Variants in MUC15 observed in about 807,000 individuals in gnomAD.
The protein encoded by MUC15 is mucin-15.
Under a neutral mutation model 24.0 loss-of-function variants are expected in MUC15, and 23 were observed. The observed-to-expected ratio is 0.96, with a 90% CI of 0.69 to 1.36. The LOEUF (loss-of-function observed/expected upper bound fraction) is 1.36, where lower values mean the gene tolerates loss of function less well. MUC15 is among the 40% of genes most tolerant of loss of function. The probability of loss-of-function intolerance (pLI) is 0.00; values close to 1 mark genes in which losing one functional copy is unlikely to be tolerated. For synonymous variants in MUC15, 151 were observed against 156.3 expected, an observed-to-expected ratio of 0.97 and a Z score of 0.25; for missense variants, 442 against 428.2, an observed-to-expected ratio of 1.03 and a Z score of -0.29.
chr11:26,571,023 C>T (rs558224615), intron 1 of MUC15, among the ~76,000 whole-genome samples: 16 of 151,958 alleles, frequency 1.1e-4, no homozygotes, highest in Non-Finnish European at 2.2e-4. Context: ...AAGAAAAAAA[C>T]AAATTTCAGA....
In MUC15 at chr11:26,561,138, A is replaced by ATGGC; in HGVS notation, c.1009_1012dup (p.Met338SerfsTer6). 1 of 1,612,946 alleles carries ATGGC rather than the reference A, an allele frequency of 6.2e-7. No homozygotes were observed. Among genetic ancestry groups the ATGGC allele is most frequent in the Admixed American group, 1.7e-5 (1 of 59,904 alleles). On this transcript the variant is annotated frameshift_variant, in exon 5 of 5. Transcript: ENST00000529533. LOFTEE classifies it high-confidence loss of function. ...ACGTGCATTTTCTTCACTTTCTGGCATGGCTGAATCATTCAAAGTTGGATT... is the reference window on the plus strand; with the variant it reads ...ACGTGCATTTTCTTCACTTTCTGGCATGGCTGGCTGAATCATTCAAAGTTGGATT...
rs973462485 is a variant in MUC15 at position 26,561,012 on chromosome 11, A to G, written c.*53T>C. ...AACCTTTTGAAAGATGAATTTGTCA[A>G]AAGGCTAGGATGTAGATGACACTTG... On this transcript the variant is annotated 3_prime_UTR_variant, in exon 5 of 5. Transcript: ENST00000529533. 6.6e-7 allele frequency: 1 copy of G among 1,520,980 alleles called. No homozygotes were observed. The highest frequency in any genetic ancestry group is 1.3e-5 in the South Asian group (1 of 79,446). The allele number at this position is 1,520,980 out of a possible 1,614,324, so 94.2% of individuals were successfully genotyped here.
intron 3 of MUC15, among the ~76,000 whole-genome samples, chr11:26,564,119 T>G (rs150290403): frequency 1.3e-5 from 2 of 151,892 alleles, no homozygotes; most frequent in Admixed American, 1.3e-4. Context: ...TAACTAAATT[T>G]TTTTTTACAT....
In MUC15 at chr11:26,560,969, G is replaced by A. The variant is rs532609867; in HGVS notation, c.*96C>T. 1.5e-4 allele frequency: 186 copies of A among 1,225,182 alleles called. No individual in the cohort carries two copies. Among genetic ancestry groups the A allele is most frequent in the Admixed American group, 2.8e-4 (12 of 42,208 alleles). 75.9% of individuals were successfully genotyped at this position (1,225,182 alleles called of 1,614,324 possible). ...TATGATTCTCCTTGACAAAATCCACGTGACAGTAATTTTGTGTAACCTTTT... is the reference window on the plus strand; with the variant it reads ...TATGATTCTCCTTGACAAAATCCACATGACAGTAATTTTGTGTAACCTTTT... On this transcript the variant is annotated 3_prime_UTR_variant, in exon 5 of 5. Coordinates refer to ENST00000529533, the MANE Select transcript of MUC15 (RefSeq NM_001135091.2).
In MUC15 at chr11:26,559,872, A is replaced by ACACC. The variant is rs1554969861; in HGVS notation, c.*1189_*1192dup. The ACACC allele has an allele frequency of 1.9e-5, 15 of 803,456 alleles. No individual in the cohort carries two copies. The highest frequency in any genetic ancestry group is 8.0e-5 in the Admixed American group (4 of 49,848). The allele number at this position is 803,456 out of a possible 1,614,324, so 49.8% of individuals were successfully genotyped here. Reference sequence around the variant, plus strand: ...CACACACACACACACACACACACACACACCATGAATCAATTCAAAAATAAA... The same window carrying ACACC: ...CACACACACACACACACACACACACACACCCACCATGAATCAATTCAAAAATAAA... On this transcript the variant is annotated 3_prime_UTR_variant, in exon 5 of 5. Coordinates refer to ENST00000529533, the MANE Select transcript of MUC15 (RefSeq NM_001135091.2).
chr11:26,564,749 A>G (rs1565109090), intron 3 of MUC15, among the ~76,000 whole-genome samples: 2 of 69,382 alleles, frequency 2.9e-5, no homozygotes, highest in Non-Finnish European at 2.7e-5. Flanking sequence ...ATATATATAT[A>G]TATATATATA....
Position 26,565,734 on chromosome 11 carries a change from A to G in MUC15, c.206T>C (p.Met69Thr), listed in dbSNP as rs1187183977. ...TTCCAAAGAAATAGGTTTATTTTCC[A>G]TTGTTTTAAAAACTTCTGCAATGTT... Reference protein sequence around the residue: ...TQNIAEVFKTMENKPISLESE... With the variant: ...TQNIAEVFKTTENKPISLESE... The change falls in exon 3 of 5, where the codon ATG (methionine) becomes ACG (threonine). Residue 69 changes from methionine to threonine, a missense_variant. By Grantham distance (81) the Met-to-Thr change is moderately conservative (BLOSUM62 -1). Coordinates refer to ENST00000529533, the MANE Select transcript of MUC15 (RefSeq NM_001135091.2). 4 of 1,605,966 alleles carry G rather than the reference A, an allele frequency of 2.5e-6. No homozygotes were observed. The highest frequency in any genetic ancestry group is 2.6e-6 in the Non-Finnish European group (3 of 1,174,158).
rs1454012401 is a variant in MUC15, at chr11:26,572,035, A to G, written c.-46+6T>C. ...GAGAGACCTAAGTGACCCAACGCAC[A>G]CTTACCTTCAGGCTTAGGAGGTATT... On this transcript the variant is annotated splice_donor_region_variant and intron_variant, in intron 1 of 4. Transcript: ENST00000529533. 5.1e-6 allele frequency: 5 copies of G among 977,502 alleles called. No homozygotes were observed. In the African/African-American group the frequency reaches 8.8e-5, roughly 17 times the overall value. 60.6% of individuals were successfully genotyped at this position (977,502 alleles called of 1,614,324 possible).
Position 26,559,867 on chromosome 11 carries a change from C to T in MUC15, c.*1198G>A. On this transcript the variant is annotated 3_prime_UTR_variant, in exon 5 of 5. Transcript: ENST00000529533. ...ACACACACACACACACACACACACA[C>T]ACACACACCATGAATCAATTCAAAA... 1 of 877,398 alleles carries T rather than the reference C, an allele frequency of 1.1e-6. No individual in the cohort carries two copies. The highest frequency in any genetic ancestry group is 1.7e-5 in the African/African-American group (1 of 60,028). The allele number at this position is 877,398 out of a possible 1,614,324, so 54.4% of individuals were successfully genotyped here. A position where few individuals can be genotyped will look rare whatever the true frequency, so the allele number is the denominator to read the frequency against.
rs2134243356 is a variant in MUC15 at position 26,559,333 on chromosome 11, A to C, written c.*1732T>G. 1 of 169,590 alleles carries C rather than the reference A, an allele frequency of 5.9e-6. No homozygotes were observed. Among genetic ancestry groups the C allele is most frequent in the East Asian group, 1.6e-4 (1 of 6,312 alleles). The allele number at this position is 169,590 out of a possible 1,614,324, so 10.5% of individuals were successfully genotyped here. On this transcript the variant is annotated 3_prime_UTR_variant, in exon 5 of 5. Transcript: ENST00000529533. The stretch of plus-strand genomic sequence containing the variant: ...ATTTTCCAACTTCCCCACTCCTAGA[A>C]GTTTTGCTAACAGGAATTGCAACTA...
chr11:26,559,323 C>G lies in MUC15; in HGVS notation c.*1742G>C, dbSNP rs1312874944. Reference sequence around the variant, plus strand: ...AGAATCCTGCATTTTCCAACTTCCCCACTCCTAGAAGTTTTGCTAACAGGA... The same window carrying G: ...AGAATCCTGCATTTTCCAACTTCCCGACTCCTAGAAGTTTTGCTAACAGGA... On this transcript the variant is annotated 3_prime_UTR_variant, in exon 5 of 5. Transcript: ENST00000529533. 1.2e-5 allele frequency: 2 copies of G among 164,224 alleles called. No individual in the cohort carries two copies. The highest frequency in any genetic ancestry group is 3.4e-4 in the East Asian group (2 of 5,882). 10.2% of individuals were successfully genotyped at this position (164,224 alleles called of 1,614,324 possible).
In MUC15 at chr11:26,564,764, T is replaced by C. The variant is rs200983275; in HGVS notation, c.775+401A>G. ...ATATATATATATATATATATATATA[T>C]ATATATATATATATATATATAAGTT... On this transcript the variant is annotated intron_variant, in intron 3 of 4. Coordinates refer to ENST00000529533, the MANE Select transcript of MUC15 (RefSeq NM_001135091.2). 7.6e-4 allele frequency among the ~76,000 whole-genome samples: 73 copies of C among 96,262 alleles called. 1 individual carries two copies. The highest frequency in any genetic ancestry group is 8.3e-4 in the Non-Finnish European group (38 of 46,000). 63.2% of individuals were successfully genotyped at this position (96,262 alleles called of 152,430 possible). A position where few individuals can be genotyped will look rare whatever the true frequency, so the allele number is the denominator to read the frequency against.
intron 1 of MUC15, among the ~76,000 whole-genome samples, chr11:26,571,506 C>T (rs1180886907): frequency 6.6e-6 from 1 of 152,016 alleles, no homozygotes; most frequent in African/African-American, 2.4e-5. Flanking sequence ...AGTTTCCCAA[C>T]TTTTTAATTA....
intron 3 of MUC15, among the ~76,000 whole-genome samples, chr11:26,564,851 A>G (rs1256144292): frequency 6.9e-6 from 1 of 144,862 alleles, no homozygotes; most frequent in East Asian, 2.1e-4. Context: ...GATTCATTGA[A>G]AATTGTTACC....
chr11:26,559,841 C>T lies in MUC15; in HGVS notation c.*1224G>A. On this transcript the variant is annotated 3_prime_UTR_variant, in exon 5 of 5. Transcript: ENST00000529533. ...TCTGAAGCTGTTTCTGTGTTACACACACACACACACACACACACACACACA... is the reference window on the plus strand; with the variant it reads ...TCTGAAGCTGTTTCTGTGTTACACATACACACACACACACACACACACACA... The T allele has an allele frequency of 2.3e-6, 1 of 426,892 alleles. No individual in the cohort carries two copies. The highest frequency in any genetic ancestry group is 2.5e-5 in the South Asian group (1 of 39,730). The allele number at this position is 426,892 out of a possible 1,614,324, so 26.4% of individuals were successfully genotyped here.
intron 4 of MUC15, among the ~76,000 whole-genome samples, 186 bp from the exon 5 acceptor site, chr11:26,561,411 TA>T (rs1306642062): frequency 6.6e-6 from 1 of 152,028 alleles, no homozygotes; most frequent in Non-Finnish European, 1.5e-5. Context: ...TTTATAAGAC[TA>T]AGAGTACAGT....
In MUC15 at chr11:26,565,576, G is replaced by A. The variant is rs139040141; in HGVS notation, c.364C>T (p.His122Tyr). The A allele has an allele frequency of 1.9e-6, 3 of 1,613,344 alleles. No individual in the cohort carries two copies. Among genetic ancestry groups the A allele is most frequent in the Non-Finnish European group, 2.5e-6 (3 of 1,179,566 alleles). The change falls in exon 3 of 5, where the codon CAT becomes TAT. Residue 122 changes from histidine to tyrosine, a missense_variant. His to Tyr is a moderately conservative substitution (Grantham distance 83). Transcript: ENST00000529533. The stretch of plus-strand genomic sequence containing the variant: ...GTGGGTTTTAGACTGCCCAAAGAAT[G>A]CTCTGCTGATGAGTTACTGGAGAAA... Reference protein sequence around the residue: ...TDFSSNSSAEHSLGSLKPTST... With the variant: ...TDFSSNSSAEYSLGSLKPTST...
intron 3 of MUC15, among the ~76,000 whole-genome samples, chr11:26,563,973 T>G (rs940318866): frequency 1.3e-5 from 2 of 151,874 alleles, no homozygotes; most frequent in Non-Finnish European, 2.9e-5. Flanking sequence ...TTTTTTCTTC[T>G]CTTTTTTTGA....
At chr11:26,568,359 C>A (rs1412809183) in intron 1 of MUC15, among the ~76,000 whole-genome samples, 1 of 151,920 alleles carries the variant, frequency 6.6e-6, no homozygotes, top group Non-Finnish European at 1.5e-5. Context: ...GATTTGGATT[C>A]AAACCTTGAC....
Sources: gnomAD v4.1 joint callset for allele counts (sites outside exome capture counted in the v4.1 genomes callset) on GRCh38, gnomAD v4.1.1 for gene constraint, MANE v1.5 for transcripts, NCBI Gene and HGNC (gene_info 2026-07-23, HGNC 2026-07-21) for gene names.